VPS4B: variants seen among roughly 807,000 people sequenced by gnomAD.
The protein encoded by VPS4B is vacuolar protein sorting-associated protein 4B.
VPS4B carries 23 observed loss-of-function variants against 56.1 expected under a neutral mutation model. The ratio of observed to expected loss-of-function variants is 0.41; its 90% CI spans 0.30 to 0.58. VPS4B has a LOEUF of 0.58. Among genes scored for constraint, VPS4B ranks in the 20% least tolerant of loss-of-function variants. VPS4B has a pLI of 0.29. For synonymous variants in VPS4B, 177 were observed against 186.0 expected (o/e 0.95, Z 0.39); for missense variants, 372 against 531.9 (o/e 0.70, Z 2.96).
intron 3 of VPS4B, among the ~76,000 whole-genome samples, chr18:63,409,968 T>C (rs1215852550): frequency 1.3e-5 from 2 of 152,202 alleles, no homozygotes; most frequent in Non-Finnish European, 2.9e-5. Flanking sequence ...GTTTGAGGAA[T>C]ATTATCCATT....
Position 63,397,187 on chromosome 18 carries a change from G to C in VPS4B, c.939C>G (p.His313Gln). 1 of 1,614,066 alleles carries C rather than the reference G, an allele frequency of 6.2e-7. No homozygotes were observed. ...PHARAAMFKL[H>Q]LGTTQNSLTE... Reference sequence around the variant, plus strand: ...TGAGACTGTTCTGAGTGGTCCCTAGGTGCAGTTTAAACATTGCTGCTCGGG... The same window carrying C: ...TGAGACTGTTCTGAGTGGTCCCTAGCTGCAGTTTAAACATTGCTGCTCGGG... Residue 313 changes from histidine (H) to glutamine (Q), a missense_variant, in exon 9 of 11, where the codon CAC (histidine) becomes CAG (glutamine). This residue lies in a region of VPS4B where 153 missense variants were observed against 190.9 expected (regional missense o/e 0.80). Coordinates refer to ENST00000238497, the MANE Select transcript of VPS4B (RefSeq NM_004869.4).
intron 8 of VPS4B, among the ~76,000 whole-genome samples, chr18:63,398,765 G>A (rs1263453212): frequency 4.6e-5 from 7 of 151,012 alleles, no homozygotes; most frequent in African/African-American, 1.7e-4. Context: ...AACCCGGGAG[G>A]TGGAGGATGC....
chr18:63,417,670 G>A (rs1010884092), intron 1 of VPS4B, among the ~76,000 whole-genome samples: 1 of 150,382 alleles, frequency 6.6e-6, no homozygotes, highest in South Asian at 2.1e-4. Flanking sequence ...TGTTTTTTTT[G>A]TTTTTTTTTA....
intron 1 of VPS4B, chr18:63,415,223 A>C (rs1916135538): frequency 6.6e-6 from 1 of 152,290 alleles, no homozygotes; most frequent in Non-Finnish European, 1.5e-5. Context: ...AAAATTAACC[A>C]TGTCTTCTAT....
At chr18:63,399,416 C>T (rs1414644406) in intron 7 of VPS4B, 93 bp from the exon 8 acceptor site, 3 of 1,087,302 alleles carry the variant, frequency 2.8e-6, no homozygotes, top group Non-Finnish European at 4.1e-6. Context: ...TGGTGCTTTA[C>T]CATTAAAGTG....
intron 1 of VPS4B, chr18:63,415,430 A>G: frequency 3.5e-6 from 1 of 287,556 alleles, no homozygotes; most frequent in Non-Finnish European, 7.2e-6. Context: ...CTCAGGGCAT[A>G]TATGCTGCTT....
At chr18:63,398,609 G>C (rs1388587262) in intron 8 of VPS4B, among the ~76,000 whole-genome samples, 1 of 151,732 alleles carries the variant, frequency 6.6e-6, no homozygotes, top group Non-Finnish European at 1.5e-5. Flanking sequence ...AGGCTGAGGC[G>C]GGTGGATCAT....
chr18:63,403,766 G>A lies in VPS4B; in HGVS notation c.425C>T (p.Ala142Val). The change falls in exon 5 of 11, where the codon GCC becomes GTC. Residue 142 changes from alanine (A) to valine (V), a missense_variant. Ala to Val is a moderately conservative substitution (Grantham distance 64, BLOSUM62 0). Transcript: ENST00000238497. ...CACAGCCTCTTTCAGTGCTTCTTTG[G>A]CTCCTTCAAGTCCAGCAACGTCACT... ...KWSDVAGLEG[A>V]KEALKEAVIL... The A allele has an allele frequency of 6.2e-7, 1 of 1,613,204 alleles. No homozygotes were observed.
intron 1 of VPS4B, among the ~76,000 whole-genome samples, chr18:63,414,193 C>T (rs1474655999): frequency 6.6e-6 from 1 of 151,734 alleles, no homozygotes. Flanking sequence ...ACCAGCCTGG[C>T]CAATATAATG....
chr18:63,397,436 A>C (rs1234553681), intron 8 of VPS4B, among the ~76,000 whole-genome samples, 183 bp from the exon 9 acceptor site: 1 of 152,226 alleles, frequency 6.6e-6, no homozygotes, highest in Non-Finnish European at 1.5e-5. Context: ...CCTGGGAGCC[A>C]GTTTGAAGTG....
chr18:63,390,480 A>G lies in VPS4B; in HGVS notation c.*495T>C, dbSNP rs1915521312. 6.5e-6 allele frequency: 1 copy of G among 152,786 alleles called. No homozygotes were observed. The highest frequency in any genetic ancestry group is 1.5e-5 in the Non-Finnish European group (1 of 68,182). The allele number at this position is 152,786 out of a possible 1,614,324, so 9.5% of individuals were successfully genotyped here. ...TATAATTCAAAATCTTTCAAACCCA[A>G]TCACAAAGCTCTTTGCTGTTTTATT... On this transcript the variant is annotated 3_prime_UTR_variant, in exon 11 of 11. Coordinates refer to ENST00000238497, the MANE Select transcript of VPS4B (RefSeq NM_004869.4).
At chr18:63,414,257 C>G (rs1166866776) in intron 1 of VPS4B, among the ~76,000 whole-genome samples, 1 of 150,446 alleles carries the variant, frequency 6.6e-6, no homozygotes. Context: ...GTAATCCCAG[C>G]TACTTGGGAG....
chr18:63,399,908 A>G (rs1285690610), intron 7 of VPS4B, 140 bp downstream of exon 7: 1 of 613,856 alleles, frequency 1.6e-6, no homozygotes, highest in Non-Finnish European at 2.6e-6. Context: ...AATCCCAGCT[A>G]CTCAGGAGGC....
chr18:63,394,490 G>A (rs537346267), intron 9 of VPS4B, among the ~76,000 whole-genome samples: 34 of 148,754 alleles, frequency 2.3e-4, no homozygotes, highest in African/African-American at 6.9e-4. Context: ...TTTTTGAGAC[G>A]GAGTCTCGCT....
chr18:63,421,197 T>G (rs1042709826), intron 1 of VPS4B, among the ~76,000 whole-genome samples: 3 of 152,244 alleles, frequency 2.0e-5, no homozygotes, highest in African/African-American at 7.2e-5. Flanking sequence ...ATTTTCAAGA[T>G]GAAAGTCCCA....
chr18:63,421,461 G>A (rs542926580), intron 1 of VPS4B, among the ~76,000 whole-genome samples: 4 of 152,302 alleles, frequency 2.6e-5, no homozygotes, highest in Admixed American at 2.0e-4. Flanking sequence ...TGGACTGGGA[G>A]TCCTCTACAT....
At chr18:63,401,502 C>A (rs1428248178) in intron 5 of VPS4B, among the ~76,000 whole-genome samples, 1 of 152,062 alleles carries the variant, frequency 6.6e-6, no homozygotes, top group African/African-American at 2.4e-5. Context: ...GATCTGCCCA[C>A]CTCAGCCTCC....
At chr18:63,418,400 T>C (rs1169411399) in intron 1 of VPS4B, among the ~76,000 whole-genome samples, 2 of 152,026 alleles carry the variant, frequency 1.3e-5, no homozygotes, top group Non-Finnish European at 2.9e-5. Context: ...GACACCATTT[T>C]CTTCTAGTTT....
intron 1 of VPS4B, chr18:63,416,268 C>T (rs1916160247): frequency 4.7e-6 from 1 of 212,406 alleles, no homozygotes; most frequent in African/African-American, 2.3e-5. Context: ...GAGCCCTGTT[C>T]CTGCAGCAGC....
Sources: gnomAD v4.1 joint callset for allele counts (sites outside exome capture counted in the v4.1 genomes callset) on GRCh38, gnomAD v4.1.1 for gene constraint, gnomAD v4.1.1 regional missense constraint, MANE v1.5 for transcripts, NCBI Gene and HGNC (gene_info 2026-07-23, HGNC 2026-07-21) for gene names.